Variants in OR1J2 observed in about 807,000 individuals in gnomAD.
OR1J2 encodes olfactory receptor 1J2.
For synonymous variants in OR1J2, 142 were observed against 99.7 expected, an observed-to-expected ratio of 1.42 and a Z score of -2.52; for missense variants, 304 against 246.1, an observed-to-expected ratio of 1.24 and a Z score of -1.57.
At chr9:122,502,515 G>A in the OR1J2 span, among the ~76,000 whole-genome samples, 1 of 152,156 alleles carries the variant, frequency 6.6e-6, no homozygotes, top group Non-Finnish European at 1.5e-5. Flanking sequence ...TGAGGCCTTG[G>A]AAGATCATGG....
the OR1J2 span, among the ~76,000 whole-genome samples, chr9:122,542,598 C>T: frequency 1.3e-5 from 2 of 152,082 alleles, no homozygotes; most frequent in African/African-American, 4.8e-5. Flanking sequence ...TAGATTTAAC[C>T]TTTAAAACTT....
chr9:122,561,743 C>T, the OR1J2 span, among the ~76,000 whole-genome samples: 3 of 152,100 alleles, frequency 2.0e-5, no homozygotes, highest in East Asian at 3.9e-4. Context: ...TGAGGGGCAC[C>T]GACCTAATGC....
the OR1J2 span, among the ~76,000 whole-genome samples, chr9:122,524,740 T>C: frequency 1.8e-4 from 28 of 152,180 alleles, no homozygotes; most frequent in Non-Finnish European, 3.4e-4. Context: ...GAAGGTAAAG[T>C]TGATTGGGTG....
chr9:122,553,506 G>A, the OR1J2 span: 1 of 1,614,088 alleles, frequency 6.2e-7, no homozygotes, highest in East Asian at 2.2e-5. Flanking sequence ...CTCGTATTCT[G>A]GGTGTCTTGC....
the OR1J2 span, among the ~76,000 whole-genome samples, chr9:122,465,346 C>T: frequency 6.6e-6 from 1 of 152,184 alleles, no homozygotes; most frequent in Admixed American, 6.5e-5. Context: ...CAGGGCTCTG[C>T]TCTTCGGGCT....
downstream of OR1J2, among the ~76,000 whole-genome samples, chr9:122,512,365 G>C (rs1050336178): frequency 6.6e-6 from 1 of 152,182 alleles, no homozygotes; most frequent in Non-Finnish European, 1.5e-5. Flanking sequence ...TCAAAACTCA[G>C]ATTCCTTTGA....
At chr9:122,479,305 GA>G in the OR1J2 span, among the ~76,000 whole-genome samples, 1 of 152,064 alleles carries the variant, frequency 6.6e-6, no homozygotes, top group Non-Finnish European at 1.5e-5. Context: ...TTTTCCCCAG[GA>G]TGGCTTTCAA....
chr9:122,574,375 G>A, the OR1J2 span, among the ~76,000 whole-genome samples: 20 of 152,088 alleles, frequency 1.3e-4, no homozygotes, highest in Admixed American at 1.2e-3. Flanking sequence ...CTTTCATCAT[G>A]GTTTTGTGGT....
At chr9:122,526,424 TAGGCTATAGATAA>T in the OR1J2 span, 1 of 1,518,312 alleles carries the variant, frequency 6.6e-7, no homozygotes. Context: ...CCTTGTTCCT[TAGGCTATAGATAA>T]AGGGGTTCAA....
chr9:122,526,938 T>C, the OR1J2 span: 1 of 1,614,068 alleles, frequency 6.2e-7, no homozygotes, highest in African/African-American at 1.3e-5. Context: ...CACATAGCGG[T>C]CATACGCCAT....
the OR1J2 span, among the ~76,000 whole-genome samples, chr9:122,551,466 G>T: frequency 6.6e-6 from 1 of 152,106 alleles, no homozygotes; most frequent in African/African-American, 2.4e-5. Context: ...TAAGGAAATC[G>T]CCAGCAGAAA....
chr9:122,533,192 C>G, the OR1J2 span, among the ~76,000 whole-genome samples: 5 of 151,726 alleles, frequency 3.3e-5, no homozygotes, highest in African/African-American at 7.3e-5. Context: ...TTTGGCACCA[C>G]AGGGTGGATA....
the OR1J2 span, among the ~76,000 whole-genome samples, chr9:122,555,635 C>T: frequency 6.6e-6 from 1 of 152,156 alleles, no homozygotes; most frequent in Non-Finnish European, 1.5e-5. Flanking sequence ...GGAATTGGCT[C>T]ATGCAGTTGT....
the OR1J2 span, among the ~76,000 whole-genome samples, chr9:122,489,599 T>C: frequency 7.2e-5 from 11 of 152,198 alleles, no homozygotes; most frequent in African/African-American, 2.4e-4. Context: ...TTTTTGCAAT[T>C]ATCTATTGTT....
the OR1J2 span, among the ~76,000 whole-genome samples, chr9:122,453,243 A>G: frequency 6.6e-6 from 1 of 152,146 alleles, no homozygotes; most frequent in Non-Finnish European, 1.5e-5. Flanking sequence ...TAAATTACCC[A>G]GTCTCAGGTA....
chr9:122,480,478 T>C, the OR1J2 span, among the ~76,000 whole-genome samples: 76,233 of 151,802 alleles, frequency 0.5, 20,072 homozygotes, highest in African/African-American at 0.66. Context: ...TTCAAGGGTA[T>C]AAGTGCAGGT....
chr9:122,569,534 T>C, the OR1J2 span, among the ~76,000 whole-genome samples: 1 of 152,232 alleles, frequency 6.6e-6, no homozygotes, highest in Non-Finnish European at 1.5e-5. Flanking sequence ...ATTCATACCT[T>C]GTGAATAGGC....
chr9:122,560,039 T>C, the OR1J2 span, among the ~76,000 whole-genome samples: 3 of 152,346 alleles, frequency 2.0e-5, no homozygotes, highest in South Asian at 4.1e-4. Flanking sequence ...ATATTTAAGA[T>C]AGTTAGCTCT....
chr9:122,526,753 G>C, the OR1J2 span: 5 of 1,614,030 alleles, frequency 3.1e-6, no homozygotes, highest in Non-Finnish European at 4.2e-6. Context: ...TTCAGGACAG[G>C]AGTGATGTCA....
Sources: allele counts gnomAD v4.1 joint callset (sites outside exome capture counted in the v4.1 genomes callset), GRCh38; gene constraint gnomAD v4.1.1; transcripts MANE v1.5; gene names NCBI Gene and HGNC (gene_info 2026-07-23, HGNC 2026-07-21).